Variants in KDM2B observed in about 807,000 individuals in gnomAD.
KDM2B encodes lysine demethylase 2B.
In KDM2B, 26 loss-of-function variants were observed where a neutral mutation model predicts 150.0. That is an observed-to-expected ratio of 0.17 (90% confidence interval 0.13 to 0.24). The LOEUF (loss-of-function observed/expected upper bound fraction) is 0.24. Among genes scored for constraint, KDM2B ranks in the 10% least tolerant of loss-of-function variants. The pLI is 1.00. For missense variants in KDM2B, 1,265 were observed against 1,816.9 expected (o/e 0.70, Z 5.52); for synonymous variants, 734 against 729.5 (o/e 1.01, Z -0.10).
chr12:121,481,529 A>T (rs2140037208), intron 12 of KDM2B, among the ~76,000 whole-genome samples: 1 of 140,104 alleles, frequency 7.1e-6, no homozygotes, highest in South Asian at 2.7e-4. Context: ...AAATTCGAGA[A>T]AGAAGTCGGG....
Position 121,520,435 on chromosome 12 carries a change from CT to C in KDM2B, c.1047+549del, listed in dbSNP as rs782411859. 2.6e-5 allele frequency among the ~76,000 whole-genome samples: 4 copies of C among 152,108 alleles called. No individual in the cohort carries two copies. In the East Asian group the frequency reaches 5.8e-4, roughly 22 times the overall value. ...GTCCCTGTCAAGGGCAGAGAAAAGC[CT>C]CGGCCCCAGGAAACTAGAGACGTCC... On this transcript the variant is annotated intron_variant, in intron 9 of 22. Transcript: ENST00000377071. This position sits in a 1 kb window ranked among gnomAD's most constrained non-coding sequence, Gnocchi z 4.5.
chr12:121,517,641 G>A (rs546066252), intron 9 of KDM2B, among the ~76,000 whole-genome samples: 54 of 151,800 alleles, frequency 3.6e-4, no homozygotes, highest in Non-Finnish European at 4.6e-4. Flanking sequence ...GCTAATTTTT[G>A]TATTTTTTTA....
At chr12:121,486,131 A>G (rs1555298875) in intron 12 of KDM2B, among the ~76,000 whole-genome samples, 1 of 141,116 alleles carries the variant, frequency 7.1e-6, no homozygotes, top group Non-Finnish European at 1.5e-5. Flanking sequence ...TTTTTTTGAG[A>G]TGGAGTCTTG....
At chr12:121,413,020 AT>A in the KDM2B span, among the ~76,000 whole-genome samples, 28,368 of 133,728 alleles carry the variant, frequency 0.21, 4,133 homozygotes, top group African/African-American at 0.44. Flanking sequence ...TGCCCAGGCT[AT>A]TTTTTTTTTC....
intron 8 of KDM2B, among the ~76,000 whole-genome samples, chr12:121,526,865 C>A (rs571585092): frequency 6.6e-6 from 1 of 152,136 alleles, no homozygotes; most frequent in Middle Eastern, 3.4e-3. Context: ...AACCACGTCT[C>A]TACTAAAACT....
At chr12:121,463,636 A>C (rs782229752) in intron 12 of KDM2B, among the ~76,000 whole-genome samples, 1 of 152,222 alleles carries the variant, frequency 6.6e-6, no homozygotes, top group Non-Finnish European at 1.5e-5. Flanking sequence ...GCTGGAATGC[A>C]ATGGGGCCAT....
At chr12:121,420,047 T>A in the KDM2B span, 1 of 507,720 alleles carries the variant, frequency 2.0e-6, no homozygotes, top group Non-Finnish European at 3.6e-6. Flanking sequence ...TGTTTTGAGC[T>A]AACTTTATGG....
chr12:121,437,809 T>C (rs1317721618), intron 22 of KDM2B, among the ~76,000 whole-genome samples: 1 of 152,256 alleles, frequency 6.6e-6, no homozygotes, highest in Non-Finnish European at 1.5e-5. Context: ...GGCACAGACT[T>C]ATTTCCCATC....
intron 6 of KDM2B, among the ~76,000 whole-genome samples, chr12:121,534,924 C>G (rs1388172361): frequency 6.6e-6 from 1 of 152,138 alleles, no homozygotes; most frequent in Non-Finnish European, 1.5e-5. Context: ...CACCTCTGCC[C>G]TCCCCCAGTT....
chr12:121,429,886 G>A lies in KDM2B; in HGVS notation c.*402C>T. ...AAAGTGTCAAGACGGCAGCAGATGTGGTGTGTGGTCCACTTTATGTCAACA... is the reference window on the plus strand; with the variant it reads ...AAAGTGTCAAGACGGCAGCAGATGTAGTGTGTGGTCCACTTTATGTCAACA... On this transcript the variant is annotated 3_prime_UTR_variant, in exon 23 of 23. Coordinates refer to ENST00000377071, the MANE Select transcript of KDM2B (RefSeq NM_032590.5). 1.7e-6 allele frequency: 1 copy of A among 592,684 alleles called. No individual in the cohort carries two copies. The highest frequency in any genetic ancestry group is 2.2e-5 in the South Asian group (1 of 45,860). 36.7% of individuals were successfully genotyped at this position (592,684 alleles called of 1,614,324 possible). A position where few individuals can be genotyped will look rare whatever the true frequency, so the allele number is the denominator to read the frequency against.
the KDM2B span, among the ~76,000 whole-genome samples, chr12:121,422,850 CAG>C: frequency 6.6e-6 from 1 of 152,194 alleles, no homozygotes; most frequent in South Asian, 2.1e-4. Flanking sequence ...GCCAGGAACA[CAG>C]ATGGCTTGAG....
rs1891713405 is a variant in KDM2B, at chr12:121,578,783, CG to C, written c.271+18del. 1.3e-6 allele frequency: 2 copies of C among 1,503,636 alleles called. No homozygotes were observed. The highest frequency in any genetic ancestry group is 1.4e-5 in the African/African-American group (1 of 70,918). The allele number at this position is 1,503,636 out of a possible 1,614,324, so 93.1% of individuals were successfully genotyped here. ...TCGGCCCGCAGCGCAGAGGGCGGCC[CG>C]GGGTGGGGGCGCCTCACCTTTGCCC... On this transcript the variant is annotated intron_variant, in intron 2 of 22. Coordinates refer to ENST00000377071, the MANE Select transcript of KDM2B (RefSeq NM_032590.5).
At chr12:121,523,921 C>T (rs1267849213) in intron 8 of KDM2B, among the ~76,000 whole-genome samples, 1 of 152,218 alleles carries the variant, frequency 6.6e-6, no homozygotes, top group African/African-American at 2.4e-5. Flanking sequence ...GCATGGCTGC[C>T]GCCCTGAAAG....
In KDM2B at chr12:121,532,822, T is replaced by C; in HGVS notation, c.915A>G (p.Thr305=). 2.5e-6 allele frequency: 4 copies of C among 1,614,024 alleles called. No homozygotes were observed. The highest frequency in any genetic ancestry group is 3.4e-6 in the Non-Finnish European group (4 of 1,180,016). Residue 305 remains threonine, a synonymous_variant, in exon 8 of 23, where the codon ACA becomes ACG. Coordinates refer to ENST00000377071, the MANE Select transcript of KDM2B (RefSeq NM_032590.5). ...GAAACCTACCGGAAGGGATGAAAAA[T>C]GTGTAGCCCTGCTTCAGCTCAATTC... ...CQRIELKQGY[T]FFIPSGWIHA...
chr12:121,501,171 C>G (rs1555301857), intron 11 of KDM2B, among the ~76,000 whole-genome samples: 1 of 151,890 alleles, frequency 6.6e-6, no homozygotes, highest in African/African-American at 2.4e-5. Flanking sequence ...TGTCAAGTGT[C>G]TTTATAATAA....
At position 121,575,784 on chromosome 12, in the gene KDM2B, A is replaced by G; in HGVS notation, c.347T>C (p.Ile116Thr). The G allele has an allele frequency of 6.2e-7, 1 of 1,608,850 alleles. No individual in the cohort carries two copies. The highest frequency in any genetic ancestry group is 8.5e-7 in the Non-Finnish European group (1 of 1,175,168). ...LIFREKDGLGIKMPDPDFTVR... is the reference protein window; with the variant it reads ...LIFREKDGLGTKMPDPDFTVR... The stretch of plus-strand genomic sequence containing the variant: ...GTGATTAGTTTCAGCAACTTACTTA[A>G]TTCCCAGTCCATCCTTTTCTCGAAA... The change falls in exon 3 of 23, where the codon ATT (isoleucine) becomes ACT (threonine). Residue 116 changes from isoleucine (I) to threonine (T), a missense_variant. Physicochemically the swap from Ile to Thr is moderately conservative, Grantham distance 89. Around this residue, in one of 11 missense-constraint regions of KDM2B, gnomAD observed 214 missense variants for 447.4 expected, o/e 0.48. Coordinates refer to ENST00000377071, the MANE Select transcript of KDM2B (RefSeq NM_032590.5). This position sits in a 1 kb window ranked among gnomAD's most constrained non-coding sequence, Gnocchi z 4.4.
chr12:121,467,224 G>T lies in KDM2B; in HGVS notation c.1735-13880C>A. 1 of 1,031,962 alleles carries T rather than the reference G, an allele frequency of 9.7e-7. No homozygotes were observed. The highest frequency in any genetic ancestry group is 1.2e-6 in the Non-Finnish European group (1 of 853,942). The allele number at this position is 1,031,962 out of a possible 1,614,324, so 63.9% of individuals were successfully genotyped here. Reference sequence around the variant, plus strand: ...CGGACATGGCCATGGCTCATGGTGGGCCCAGGCTCGCGCGCGCTGACATGG... The same window carrying T: ...CGGACATGGCCATGGCTCATGGTGGTCCCAGGCTCGCGCGCGCTGACATGG... On this transcript the variant is annotated intron_variant, in intron 12 of 22. Transcript: ENST00000377071. This position sits in a 1 kb window ranked among gnomAD's most constrained non-coding sequence, Gnocchi z 5.1.
At chr12:121,461,063 C>T (rs1879045948) in intron 12 of KDM2B, among the ~76,000 whole-genome samples, 1 of 152,134 alleles carries the variant, frequency 6.6e-6, no homozygotes, top group Admixed American at 6.5e-5. Flanking sequence ...CATGCTAACC[C>T]AGAAGAGATG....
chr12:121,522,514 CAA>C (rs113323793), intron 8 of KDM2B, among the ~76,000 whole-genome samples: 29 of 94,086 alleles, frequency 3.1e-4, no homozygotes, highest in Middle Eastern at 0.016. Flanking sequence ...AACTCCGTCT[CAA>C]AAAAAAAAAA....
Sources: gnomAD v4.1 joint callset for allele counts (sites outside exome capture counted in the v4.1 genomes callset) on GRCh38, gnomAD v4.1.1 for gene constraint, gnomAD v4.1.1 regional missense constraint, Gnocchi (gnomAD v3.1) non-coding constraint, MANE v1.5 for transcripts, NCBI Gene and HGNC (gene_info 2026-07-23, HGNC 2026-07-21) for gene names.